ATPSCKMT: variants seen among roughly 807,000 people sequenced by gnomAD.
ATPSCKMT encodes ATP synthase c subunit lysine N-methyltransferase.
ATPSCKMT carries 24 observed loss-of-function variants against 24.3 expected under a neutral mutation model. The ratio of observed to expected loss-of-function variants is 0.99; its 90% CI spans 0.71 to 1.39. ATPSCKMT has a LOEUF of 1.39. Among genes scored for constraint, ATPSCKMT ranks in the 40% most tolerant of loss-of-function variants. ATPSCKMT has a pLI of 0.00. For synonymous variants in ATPSCKMT, 95 were observed against 110.5 expected, an observed-to-expected ratio of 0.86 and a Z score of 0.88; for missense variants, 311 against 298.4, an observed-to-expected ratio of 1.04 and a Z score of -0.31.
At chr5:10,246,806 G>A (rs1281411051) in intron 1 of ATPSCKMT, among the ~76,000 whole-genome samples, 2 of 152,180 alleles carry the variant, frequency 1.3e-5, no homozygotes, top group Non-Finnish European at 2.9e-5. Flanking sequence ...ATGAGGGGTG[G>A]GGTCCAGGAG....
intron 3 of ATPSCKMT, chr5:10,236,232 A>T: frequency 2.8e-6 from 1 of 359,540 alleles, no homozygotes; most frequent in Non-Finnish European, 4.9e-6. Flanking sequence ...AACAGAAATG[A>T]CAACATTTTA....
chr5:10,240,264 C>T (rs1394315574), intron 1 of ATPSCKMT, among the ~76,000 whole-genome samples: 1 of 151,714 alleles, frequency 6.6e-6, no homozygotes, highest in Non-Finnish European at 1.5e-5. Flanking sequence ...AAAATAAGAT[C>T]ATCATTTTAG....
intron 4 of ATPSCKMT, among the ~76,000 whole-genome samples, chr5:10,230,749 A>T (rs1161059357): frequency 6.6e-6 from 1 of 151,992 alleles, no homozygotes; most frequent in Non-Finnish European, 1.5e-5. Context: ...CCCCCCAGGA[A>T]CCCCGGTTTC....
rs975782797 is a variant in ATPSCKMT, at chr5:10,231,724, C to T, written c.495+3487G>A. ...TCTCATGTAATATCTGCTCTCCCCA[C>T]TAGCATATGAGCACCTGGGGCAGGT... On this transcript the variant is annotated intron_variant, in intron 4 of 4. Coordinates refer to ENST00000511437, the MANE Select transcript of ATPSCKMT (RefSeq NM_199133.4). Among the ~76,000 whole-genome samples, 3 of 152,292 alleles carry T rather than the reference C, an allele frequency of 2.0e-5. 1 individual carries two copies. The highest frequency in any genetic ancestry group is 2.0e-4 in the Admixed American group (3 of 15,296).
chr5:10,243,345 G>A (rs551039133), intron 1 of ATPSCKMT, among the ~76,000 whole-genome samples: 12 of 152,256 alleles, frequency 7.9e-5, no homozygotes, highest in South Asian at 4.1e-4. Context: ...TTAGCCAGGC[G>A]TGGTGGCACG....
intron 1 of ATPSCKMT, among the ~76,000 whole-genome samples, chr5:10,244,779 G>C (rs1744815585): frequency 6.6e-6 from 1 of 152,034 alleles, no homozygotes; most frequent in African/African-American, 2.4e-5. Flanking sequence ...GTGGTGGCAT[G>C]CACTTGTAGT....
At chr5:10,249,039 G>C (rs1051102076) in intron 1 of ATPSCKMT, among the ~76,000 whole-genome samples, 2 of 152,040 alleles carry the variant, frequency 1.3e-5, no homozygotes, top group Non-Finnish European at 2.9e-5. Flanking sequence ...AGACCTAGAC[G>C]GGTACATCAC....
intron 1 of ATPSCKMT, among the ~76,000 whole-genome samples, chr5:10,244,044 A>G (rs1369405059): frequency 6.6e-6 from 1 of 152,216 alleles, no homozygotes; most frequent in African/African-American, 2.4e-5. Flanking sequence ...AGCCCATTGT[A>G]GGGTTATTAA....
At chr5:10,248,533 A>G (rs546968473) in intron 1 of ATPSCKMT, 1 of 152,350 alleles carries the variant, frequency 6.6e-6, no homozygotes, top group Non-Finnish European at 1.5e-5. Flanking sequence ...CAGATCACCA[A>G]CCATCCCATG....
chr5:10,248,830 G>A (rs1239493715), intron 1 of ATPSCKMT, among the ~76,000 whole-genome samples: 1 of 152,188 alleles, frequency 6.6e-6, no homozygotes, highest in Non-Finnish European at 1.5e-5. Context: ...CAGTAGGGGA[G>A]AAGCAAGGAT....
chr5:10,237,153 T>C (rs1744414635), intron 2 of ATPSCKMT: 2 of 668,478 alleles, frequency 3.0e-6, no homozygotes, highest in African/African-American at 1.9e-5. Flanking sequence ...TAACGTCAAC[T>C]GTGGAATCCC....
At chr5:10,232,857 T>C (rs1436184656) in intron 4 of ATPSCKMT, among the ~76,000 whole-genome samples, 1 of 152,192 alleles carries the variant, frequency 6.6e-6, no homozygotes, top group African/African-American at 2.4e-5. Flanking sequence ...ACAGAAGGGT[T>C]TTACACAAGA....
In ATPSCKMT at chr5:10,227,598, C is replaced by T. The variant is rs371836379; in HGVS notation, c.545G>A (p.Arg182Gln). The T allele has an allele frequency of 1.7e-5, 27 of 1,614,184 alleles. No homozygotes were observed. The highest frequency in any genetic ancestry group is 1.1e-4 in the South Asian group (10 of 91,084). The change falls in exon 5 of 5, where the codon CGA becomes CAA. Residue 182 changes from arginine to glutamine, a missense_variant. Arg to Gln is a conservative substitution (Grantham distance 43, BLOSUM62 1). Coordinates refer to ENST00000511437, the MANE Select transcript of ATPSCKMT (RefSeq NM_199133.4). ...KLERELEDDARVIACRFPFPH... is the reference protein window; with the variant it reads ...KLERELEDDAQVIACRFPFPH... ...GAAAGGGAACCGGCAAGCAATAACT[C>T]GTGCATCATCCTCAAGTTCACGTTC...
intron 4 of ATPSCKMT, 68 bp downstream of exon 4, chr5:10,235,136 AGTGGTGG>A: frequency 3.7e-6 from 5 of 1,349,784 alleles, no homozygotes; most frequent in Non-Finnish European, 5.3e-6. Flanking sequence ...CACACGGGTG[AGTGGTGG>A]TGTTGTGGCT....
Position 10,236,501 on chromosome 5 carries a change from A to G in ATPSCKMT, c.421T>C (p.Phe141Leu). 6.2e-7 allele frequency: 1 copy of G among 1,614,172 alleles called. No individual in the cohort carries two copies. Among genetic ancestry groups the G allele is most frequent in the Non-Finnish European group, 8.5e-7 (1 of 1,180,028 alleles). Reference sequence around the variant, plus strand: ...ACCTTCCACAAATCTGAAATATAAAATTTGGCAGATCCATGCACACCTTCT... The same window carrying G: ...ACCTTCCACAAATCTGAAATATAAAGTTTGGCAGATCCATGCACACCTTCT... ...WREGVHGSAK[F>L]YISDLWKVTF... The change falls in exon 3 of 5, where the codon TTT (phenylalanine) becomes CTT (leucine). Residue 141 changes from phenylalanine (F) to leucine (L), a missense_variant. Phe to Leu is a conservative substitution (Grantham distance 22). Transcript: ENST00000511437.
At position 10,227,283 on chromosome 5, in the gene ATPSCKMT, G is replaced by GT; in HGVS notation, c.*157dup. 2.6e-6 allele frequency: 2 copies of GT among 755,232 alleles called. No homozygotes were observed. The highest frequency in any genetic ancestry group is 4.2e-6 in the Non-Finnish European group (2 of 481,704). The allele number at this position is 755,232 out of a possible 1,614,324, so 46.8% of individuals were successfully genotyped here. On this transcript the variant is annotated 3_prime_UTR_variant, in exon 5 of 5. Coordinates refer to ENST00000511437, the MANE Select transcript of ATPSCKMT (RefSeq NM_199133.4). ...TCAAAAGCAGATTTTAAATCTACCT[G>GT]TTTTTCTTCGTTTGTTTTCTCCAAC...
intron 1 of ATPSCKMT, among the ~76,000 whole-genome samples, chr5:10,241,988 T>C (rs939817653): frequency 6.6e-6 from 1 of 152,110 alleles, no homozygotes; most frequent in Admixed American, 6.6e-5. Context: ...TAAAAAAGAG[T>C]TTATTGCTAA....
intron 3 of ATPSCKMT, 37 bp downstream of exon 3, chr5:10,236,441 C>T: frequency 1.3e-6 from 2 of 1,571,938 alleles, no homozygotes; most frequent in South Asian, 1.2e-5. Context: ...AAAATTTTCC[C>T]TTGGATTTCT....
chr5:10,226,478 T>A lies in ATPSCKMT; in HGVS notation c.*963A>T, dbSNP rs1351026292. The A allele has an allele frequency of 6.6e-6, 1 of 152,274 alleles. No individual in the cohort carries two copies. Among genetic ancestry groups the A allele is most frequent in the Non-Finnish European group, 1.5e-5 (1 of 68,048 alleles). The allele number at this position is 152,274 out of a possible 1,614,324, so 9.4% of individuals were successfully genotyped here. On this transcript the variant is annotated 3_prime_UTR_variant, in exon 5 of 5. Coordinates refer to ENST00000511437, the MANE Select transcript of ATPSCKMT (RefSeq NM_199133.4). ...ACGAATGACTCAAGCTACCATTCAA[T>A]ATTCACTTTACAGATATATGAAGCT...
Sources: gnomAD v4.1 joint callset for allele counts (sites outside exome capture counted in the v4.1 genomes callset) on GRCh38, gnomAD v4.1.1 for gene constraint, MANE v1.5 for transcripts, NCBI Gene and HGNC (gene_info 2026-07-23, HGNC 2026-07-21) for gene names.